Variants in PKP4 observed in about 807,000 individuals in gnomAD.
PKP4 encodes the protein plakophilin-4.
A neutral mutation model predicts 145.1 loss-of-function variants in PKP4; 90 were observed. That is an observed-to-expected ratio of 0.62 (90% confidence interval 0.52 to 0.74). The LOEUF (loss-of-function observed/expected upper bound fraction) is 0.74, where lower values mean the gene tolerates loss of function less well. Among genes scored for constraint, PKP4 ranks in the 30% least tolerant of loss-of-function variants. PKP4 has a pLI of 0.00. For missense variants in PKP4, 1,340 were observed against 1,482.7 expected (o/e 0.90, Z 1.58); for synonymous variants, 563 against 577.2 (o/e 0.98, Z 0.35).
At chr2:158,538,350 C>A (rs969472931) in intron 2 of PKP4, among the ~76,000 whole-genome samples, 2 of 152,090 alleles carry the variant, frequency 1.3e-5, no homozygotes, top group Non-Finnish European at 2.9e-5. Flanking sequence ...TAAAAGAGAA[C>A]AATATGGCCA....
chr2:158,458,873 A>G (rs963209636), intron 1 of PKP4, among the ~76,000 whole-genome samples: 1 of 152,054 alleles, frequency 6.6e-6, no homozygotes, highest in Non-Finnish European at 1.5e-5. Context: ...AATCATGTAT[A>G]TTTCAAGATG....
chr2:158,586,204 T>G (rs1262856735), intron 3 of PKP4, among the ~76,000 whole-genome samples: 4 of 152,222 alleles, frequency 2.6e-5, no homozygotes, highest in African/African-American at 9.6e-5. Context: ...ACTTTTTGGC[T>G]CTTATGAATA....
chr2:158,580,702 A>G lies in PKP4; in HGVS notation c.245+3319A>G, dbSNP rs59963083. On this transcript the variant is annotated intron_variant, in intron 3 of 21. Coordinates refer to ENST00000389759, the MANE Select transcript of PKP4 (RefSeq NM_003628.6). The stretch of plus-strand genomic sequence containing the variant: ...TTATGAAATTTTAAGGGTTATGAGT[A>G]AGGTGGGTTTCTTCATTCAGTGATC... Among the ~76,000 whole-genome samples the G allele has an allele frequency of 1.7e-3, 259 of 152,314 alleles. 2 individuals carry two copies. The highest frequency in any genetic ancestry group is 5.9e-3 in the African/African-American group (244 of 41,574).
intron 2 of PKP4, among the ~76,000 whole-genome samples, chr2:158,572,901 G>A (rs2047529986): frequency 6.6e-6 from 1 of 152,188 alleles, no homozygotes; most frequent in African/African-American, 2.4e-5. Context: ...TTTATTACTG[G>A]CTGGAACATA....
intron 1 of PKP4, among the ~76,000 whole-genome samples, chr2:158,509,207 G>T (rs2041276191): frequency 1.3e-5 from 2 of 152,006 alleles, no homozygotes; most frequent in Admixed American, 1.3e-4. Context: ...TTATGAATTT[G>T]TAATCAGTTC....
rs1303566339 is a variant in PKP4, at chr2:158,577,373, G to T, written c.235G>T (p.Ala79Ser). The T allele has an allele frequency of 6.2e-7, 1 of 1,608,528 alleles. No individual in the cohort carries two copies. Among genetic ancestry groups the T allele is most frequent in the African/African-American group, 1.3e-5 (1 of 74,794 alleles). Reference protein sequence around the residue: ...CRLGAESPSIASTSSTEKSFP... With the variant: ...CRLGAESPSISSTSSTEKSFP... ...GCTTGGAGCAGAATCACCAAGCATC[G>T]CCAGCACCAGGTACAGGGCCAATGG... Residue 79 changes from alanine to serine, a missense_variant, in exon 3 of 22, where the codon GCC (alanine) becomes TCC (serine). Coordinates refer to ENST00000389759, the MANE Select transcript of PKP4 (RefSeq NM_003628.6).
intron 4 of PKP4, among the ~76,000 whole-genome samples, chr2:158,608,034 A>G (rs895701567): frequency 6.6e-6 from 1 of 152,242 alleles, no homozygotes; most frequent in Non-Finnish European, 1.5e-5. Context: ...TTAATTGTAC[A>G]TTTCAAAATA....
In PKP4 at chr2:158,534,622, T is replaced by C. The variant is rs1029795311; in HGVS notation, c.132+1306T>C. ...TTTGGGGCTCTTAGTATATACTGTG[T>C]TTTGGTGAAACGTGGTAAATTTATC... On this transcript the variant is annotated intron_variant, in intron 2 of 21. Coordinates refer to ENST00000389759, the MANE Select transcript of PKP4 (RefSeq NM_003628.6). Among the ~76,000 whole-genome samples the C allele has an allele frequency of 2.6e-5, 4 of 152,328 alleles. No individual in the cohort carries two copies. The East Asian group carries it at 7.7e-4, about 29-fold the overall frequency.
intron 1 of PKP4, among the ~76,000 whole-genome samples, chr2:158,509,896 G>A (rs919983909): frequency 1.4e-4 from 20 of 146,530 alleles, no homozygotes; most frequent in Admixed American, 3.5e-4. Flanking sequence ...GCGGTGAGCC[G>A]AGATCACACC....
At chr2:158,502,840 A>G (rs532795833) in intron 1 of PKP4, among the ~76,000 whole-genome samples, 3 of 152,372 alleles carry the variant, frequency 2.0e-5, no homozygotes, top group Admixed American at 6.5e-5. Flanking sequence ...TTGTAAGAAT[A>G]GAAGTATACA....
intron 11 of PKP4, among the ~76,000 whole-genome samples, chr2:158,651,721 T>C (rs1464011958): frequency 6.6e-6 from 1 of 151,834 alleles, no homozygotes; most frequent in Non-Finnish European, 1.5e-5. Context: ...AGCGGCATGG[T>C]CTCGAGTGAG....
intron 1 of PKP4, among the ~76,000 whole-genome samples, chr2:158,479,956 C>T (rs1024441317): frequency 3.3e-5 from 5 of 152,172 alleles, no homozygotes; most frequent in African/African-American, 1.2e-4. Flanking sequence ...GCTCATGTGG[C>T]TTAAATGTTT....
chr2:158,567,863 A>G (rs1193893783), intron 2 of PKP4, among the ~76,000 whole-genome samples: 1 of 152,220 alleles, frequency 6.6e-6, no homozygotes, highest in Admixed American at 6.5e-5. Context: ...AAAGATGTGA[A>G]CTGACAGAAT....
chr2:158,525,985 A>G (rs931469588), intron 1 of PKP4, among the ~76,000 whole-genome samples: 2 of 151,350 alleles, frequency 1.3e-5, no homozygotes, highest in African/African-American at 4.9e-5. Flanking sequence ...AATTGTGGCA[A>G]TAATCAATAG....
intron 3 of PKP4, among the ~76,000 whole-genome samples, chr2:158,597,982 G>A (rs932704468): frequency 4.1e-5 from 3 of 72,988 alleles, no homozygotes; most frequent in Non-Finnish European, 1.2e-4. Flanking sequence ...CACCATGCCC[G>A]GCAATTTTTT....
chr2:158,664,340 A>G (rs187258866), intron 15 of PKP4, among the ~76,000 whole-genome samples: 76 of 152,308 alleles, frequency 5.0e-4, no homozygotes, highest in African/African-American at 1.7e-3. Flanking sequence ...TTGCAAATGT[A>G]TGAGTATGAA....
chr2:158,602,046 G>A (rs780611089), intron 3 of PKP4, among the ~76,000 whole-genome samples: 1 of 152,084 alleles, frequency 6.6e-6, no homozygotes, highest in Non-Finnish European at 1.5e-5. Context: ...AGGAAAAAAG[G>A]TATAAATGAT....
intron 1 of PKP4, among the ~76,000 whole-genome samples, chr2:158,525,731 C>G (rs1019370994): frequency 2.8e-5 from 4 of 144,168 alleles, no homozygotes; most frequent in African/African-American, 1.0e-4. Flanking sequence ...ATTGATAGAC[C>G]GCTAGCAAGA....
At chr2:158,561,808 A>ATTTTTTTTTTTTTTTTTTTTTT (rs1427519880) in intron 2 of PKP4, among the ~76,000 whole-genome samples, 1 of 126,004 alleles carries the variant, frequency 7.9e-6, no homozygotes, top group Non-Finnish European at 1.9e-5. Context: ...TTTTTTTTTA[A>ATTTTTTTTTTTTTTTTTTTTTT]TTTAAGTTCT....
Sources: gnomAD v4.1 joint callset for allele counts (sites outside exome capture counted in the v4.1 genomes callset) on GRCh38, gnomAD v4.1.1 for gene constraint, MANE v1.5 for transcripts, NCBI Gene and HGNC (gene_info 2026-07-23, HGNC 2026-07-21) for gene names.